NFATC1: variants seen among roughly 807,000 people sequenced by gnomAD.
The protein encoded by NFATC1 is nuclear factor of activated T-cells, cytoplasmic 1.
Under a neutral mutation model 76.0 loss-of-function variants are expected in NFATC1, and 22 were observed. That is an observed-to-expected ratio of 0.29 (90% CI 0.21 to 0.41). The LOEUF (loss-of-function observed/expected upper bound fraction) is 0.41, where lower values mean the gene tolerates loss of function less well. NFATC1 is among the 10% of genes least tolerant of loss of function. The pLI is 1.00. For missense variants in NFATC1, 1,357 were observed against 1,337.7 expected (o/e 1.01, Z -0.23); for synonymous variants, 704 against 613.1 (o/e 1.15, Z -2.19).
intron 2 of NFATC1, among the ~76,000 whole-genome samples, chr18:79,419,517 C>T (rs555389635): frequency 6.9e-6 from 1 of 144,304 alleles, no homozygotes; most frequent in South Asian, 2.2e-4. Flanking sequence ...GCCCGGGAGC[C>T]CCCCTAGGAG....
intron 2 of NFATC1, among the ~76,000 whole-genome samples, chr18:79,417,027 G>C (rs1012876243): frequency 1.3e-5 from 2 of 152,328 alleles, no homozygotes; most frequent in East Asian, 3.9e-4. Flanking sequence ...TGGAGCTTGC[G>C]TTTGGCTGAG....
chr18:79,473,062 C>G (rs2088852073), intron 8 of NFATC1, among the ~76,000 whole-genome samples: 1 of 152,250 alleles, frequency 6.6e-6, no homozygotes, highest in East Asian at 1.9e-4. Flanking sequence ...GATGTTTCAG[C>G]CCAGCTCTGC....
chr18:79,501,203 A>G (rs186257980), intron 9 of NFATC1, among the ~76,000 whole-genome samples: 8 of 152,356 alleles, frequency 5.3e-5, no homozygotes, highest in Admixed American at 5.2e-4. Context: ...GATGTACCAT[A>G]TTAATAGAAA....
At chr18:79,445,674 T>C (rs555049769) in intron 3 of NFATC1, among the ~76,000 whole-genome samples, 10 of 152,354 alleles carry the variant, frequency 6.6e-5, no homozygotes, top group African/African-American at 1.9e-4. Flanking sequence ...AAAATGCAGA[T>C]TTTACTCGTA....
chr18:79,504,005 G>A (rs117680682), intron 9 of NFATC1, among the ~76,000 whole-genome samples: 1 of 152,206 alleles, frequency 6.6e-6, no homozygotes, highest in Non-Finnish European at 1.5e-5. Context: ...GAGAGCGAGG[G>A]TCTTGGTCTG....
intron 3 of NFATC1, among the ~76,000 whole-genome samples, chr18:79,445,754 T>C (rs1168154011): frequency 6.6e-6 from 1 of 152,222 alleles, no homozygotes; most frequent in Non-Finnish European, 1.5e-5. Flanking sequence ...GAAGCCTGAC[T>C]CCAGGTCGCC....
At chr18:79,399,302 C>T (rs1366136573) in intron 1 of NFATC1, among the ~76,000 whole-genome samples, 1 of 152,218 alleles carries the variant, frequency 6.6e-6, no homozygotes, top group Admixed American at 6.5e-5. Flanking sequence ...AGCCCGGGGA[C>T]GACCCTGGGA....
At position 79,486,426 on chromosome 18, in the gene NFATC1, G is replaced by A. The variant is rs371841034; in HGVS notation, c.2271G>A (p.Leu757=). 5 of 1,612,272 alleles carry A rather than the reference G, an allele frequency of 3.1e-6. No individual in the cohort carries two copies. Among genetic ancestry groups the A allele is most frequent in the Admixed American group, 3.3e-5 (2 of 60,002 alleles). ...CGCCCTGTCCGCAGAGAAGCACCCTGATGCCAGCGGCCCCTGGCGTGAGCC... is the reference window on the plus strand; with the variant it reads ...CGCCCTGTCCGCAGAGAAGCACCCTAATGCCAGCGGCCCCTGGCGTGAGCC... The part of the protein sequence containing the change: ...GFPPCPQRST[L]MPAAPGVSPK... Residue 757 remains leucine, a synonymous_variant, in exon 9 of 10, where the codon CTG becomes CTA. Transcript: ENST00000427363.
At chr18:79,512,606 C>A (rs1437510072) in intron 9 of NFATC1, among the ~76,000 whole-genome samples, 1 of 152,188 alleles carries the variant, frequency 6.6e-6, no homozygotes, top group Non-Finnish European at 1.5e-5. Context: ...TTGTGCTTCC[C>A]GTTTGCTGAG....
chr18:79,520,441 C>G (rs550842647), intron 9 of NFATC1, among the ~76,000 whole-genome samples: 1 of 152,018 alleles, frequency 6.6e-6, no homozygotes, highest in South Asian at 2.1e-4. Flanking sequence ...TCCCCCACCC[C>G]CACATAAAAA....
chr18:79,464,677 T>TACACAC lies in NFATC1; in HGVS notation c.1960-2772_1960-2771insCACACA, dbSNP rs1555911939. On this transcript the variant is annotated intron_variant, in intron 7 of 9. Coordinates refer to ENST00000427363, the MANE Select transcript of NFATC1 (RefSeq NM_001278669.2). ...GTGTGTGTGTGTGTGTGTGTATATG[T>TACACAC]ATGTGTATATATATATATTTATTTA... Among the ~76,000 whole-genome samples the TACACAC allele has an allele frequency of 3.4e-5, 4 of 116,936 alleles. No homozygotes were observed. In the East Asian group the frequency reaches 7.2e-4, roughly 21 times the overall value. The allele number at this position is 116,936 out of a possible 152,430, so 76.7% of individuals were successfully genotyped here.
intron 9 of NFATC1, among the ~76,000 whole-genome samples, chr18:79,512,788 C>T (rs942196922): frequency 2.0e-5 from 3 of 152,208 alleles, no homozygotes; most frequent in African/African-American, 4.8e-5. Context: ...AGCTCTCAGC[C>T]CCTGTATGTG....
At chr18:79,457,239 G>A (rs564886515) in intron 6 of NFATC1, among the ~76,000 whole-genome samples, 10 of 152,270 alleles carry the variant, frequency 6.6e-5, no homozygotes, top group South Asian at 2.1e-4. Flanking sequence ...GGCAGCGCCC[G>A]GGGAAGAGAC....
chr18:79,416,207 A>G (rs926794073), intron 2 of NFATC1, among the ~76,000 whole-genome samples: 3 of 152,246 alleles, frequency 2.0e-5, no homozygotes, highest in Non-Finnish European at 4.4e-5. Context: ...TGTGTTTCAT[A>G]AGTTATCTGA....
chr18:79,451,213 G>A (rs375600112), intron 5 of NFATC1, 87 bp downstream of exon 5: 392 of 1,472,496 alleles, frequency 2.7e-4, no homozygotes, highest in African/African-American at 1.8e-3. Context: ...CTTTTCGTTC[G>A]TGTAGACTTG....
At chr18:79,491,173 C>T (rs1391013347) in intron 9 of NFATC1, among the ~76,000 whole-genome samples, 4 of 152,056 alleles carry the variant, frequency 2.6e-5, no homozygotes, top group African/African-American at 9.7e-5. Flanking sequence ...ATTTCACAAC[C>T]CCTAAGAGAA....
intron 9 of NFATC1, among the ~76,000 whole-genome samples, chr18:79,518,696 G>A (rs911523002): frequency 6.6e-6 from 1 of 152,252 alleles, no homozygotes; most frequent in African/African-American, 2.4e-5. Flanking sequence ...GTGTGAGGAT[G>A]GGCTGACCTG....
In NFATC1 at chr18:79,514,006, C is replaced by T. The variant is rs117443558; in HGVS notation, c.2783-13522C>T. ...CCTGTGAAGGCCGTGCTGATCTCCA[C>T]GGTGAGCGTGGACGTGCGTGGGGCA... On this transcript the variant is annotated intron_variant, in intron 9 of 9. Coordinates refer to ENST00000427363, the MANE Select transcript of NFATC1 (RefSeq NM_001278669.2). Among the ~76,000 whole-genome samples the T allele has an allele frequency of 1.4e-3, 217 of 152,316 alleles. 7 individuals carry two copies. In the East Asian group the frequency reaches 0.018, roughly 13 times the overall value.
chr18:79,465,855 C>T lies in NFATC1; in HGVS notation c.1960-1595C>T, dbSNP rs2088464185. On this transcript the variant is annotated intron_variant, in intron 7 of 9. Transcript: ENST00000427363. The surrounding 1 kb of genome is among the most constrained non-coding windows in gnomAD (Gnocchi z 4.2). ...TCCCGGGTCAGCCCAGGAGATGGCC[C>T]AGACCCACAGTGCTCTGGGGGCAGC... Among the ~76,000 whole-genome samples the T allele has an allele frequency of 6.6e-6, 1 of 152,248 alleles. No individual in the cohort carries two copies. The highest frequency in any genetic ancestry group is 2.4e-5 in the African/African-American group (1 of 41,474).
Sources: gnomAD v4.1 joint callset for allele counts (sites outside exome capture counted in the v4.1 genomes callset) on GRCh38, gnomAD v4.1.1 for gene constraint, Gnocchi (gnomAD v3.1) non-coding constraint, MANE v1.5 for transcripts, NCBI Gene and HGNC (gene_info 2026-07-23, HGNC 2026-07-21) for gene names.